The following B3GALNT2 variants were observed in gnomAD, a reference collection of about 807,000 sequenced individuals.
B3GALNT2 encodes UDP-GalNAc:beta-1,3-N-acetylgalactosaminyltransferase 2.
In B3GALNT2, 53 loss-of-function variants were observed where a neutral mutation model predicts 61.1. The observed-to-expected ratio is 0.87, with a 90% CI of 0.70 to 1.09. The LOEUF (loss-of-function observed/expected upper bound fraction) is 1.09. Among genes scored for constraint, B3GALNT2 ranks in the 50% least tolerant of loss-of-function variants. B3GALNT2 has a pLI of 0.00. For synonymous variants in B3GALNT2, 223 were observed against 237.4 expected, an observed-to-expected ratio of 0.94 and a Z score of 0.56; for missense variants, 544 against 623.0, an observed-to-expected ratio of 0.87 and a Z score of 1.35.
chr1:235,499,165 T>C (rs915211237), intron 1 of B3GALNT2, among the ~76,000 whole-genome samples: 13 of 152,224 alleles, frequency 8.5e-5, no homozygotes, highest in African/African-American at 2.4e-4. Context: ...ATGTTAATCA[T>C]ATCATTAAAC....
At chr1:235,474,488 G>T (rs1684144607) in intron 5 of B3GALNT2, among the ~76,000 whole-genome samples, 1 of 152,058 alleles carries the variant, frequency 6.6e-6, no homozygotes, top group Admixed American at 6.6e-5. Context: ...GTGGATTGGA[G>T]AAATGACTAT....
At chr1:235,478,881 T>C (rs143366143) in intron 5 of B3GALNT2, 50 of 152,388 alleles carry the variant, frequency 3.3e-4, no homozygotes, top group Non-Finnish European at 6.3e-4. Flanking sequence ...TGTTTTCCTT[T>C]AGCATATCTG....
chr1:235,454,286 G>C lies in B3GALNT2; in HGVS notation c.1181C>G (p.Thr394Ser). The change falls in exon 10 of 12, where the codon ACC (threonine) becomes AGC (serine). Residue 394 changes from threonine (T) to serine (S), a missense_variant. Coordinates refer to ENST00000366600, the MANE Select transcript of B3GALNT2 (RefSeq NM_152490.5). ...GTACTCCAACTCCTGCCACTTTCCG[G>C]TTCGGTCAACTGCCCAATTCAGTCT... ...NFRLNWAVDR[T>S]GKWQELEYPS... 1 of 1,613,316 alleles carries C rather than the reference G, an allele frequency of 6.2e-7. No homozygotes were observed. The highest frequency in any genetic ancestry group is 8.5e-7 in the Non-Finnish European group (1 of 1,179,418).
At position 235,448,183 on chromosome 1, in the gene B3GALNT2, G is replaced by C. The variant is rs899105958; in HGVS notation, c.*2023C>G. On this transcript the variant is annotated 3_prime_UTR_variant, in exon 12 of 12. Coordinates refer to ENST00000366600, the MANE Select transcript of B3GALNT2 (RefSeq NM_152490.5). ...CCATTGCACTCCAGCCTGGGCGACAGAGCAAGACTTACTTAAGTAAGTAAG... is the reference window on the plus strand; with the variant it reads ...CCATTGCACTCCAGCCTGGGCGACACAGCAAGACTTACTTAAGTAAGTAAG... 1.8e-4 allele frequency among the ~76,000 whole-genome samples: 24 copies of C among 134,230 alleles called. No individual in the cohort carries two copies. Among genetic ancestry groups the C allele is most frequent in the African/African-American group, 6.5e-4 (22 of 33,916 alleles). 88.1% of individuals were successfully genotyped at this position (134,230 alleles called of 152,430 possible). A position where few individuals can be genotyped will look rare whatever the true frequency, so the allele number is the denominator to read the frequency against.
chr1:235,497,296 G>T (rs1028085900), intron 1 of B3GALNT2, among the ~76,000 whole-genome samples: 3 of 152,174 alleles, frequency 2.0e-5, no homozygotes, highest in Non-Finnish European at 4.4e-5. Flanking sequence ...CAAAGGTAGT[G>T]ACCAGCCAGT....
At position 235,448,460 on chromosome 1, in the gene B3GALNT2, ACAAAGT is replaced by A. The variant is rs745668309; in HGVS notation, c.*1740_*1745del. On this transcript the variant is annotated 3_prime_UTR_variant, in exon 12 of 12. Coordinates refer to ENST00000366600, the MANE Select transcript of B3GALNT2 (RefSeq NM_152490.5). ...CCCAAAGTAAGTTGCCCAGCAAAAT[ACAAAGT>A]CAAAGTCAAGCTTAGTCCTCGTATT... The A allele has an allele frequency of 1.4e-5, 22 of 1,610,338 alleles. No homozygotes were observed. Among genetic ancestry groups the A allele is most frequent in the Middle Eastern group, 1.7e-4 (1 of 6,060 alleles).
At chr1:235,485,415 G>T (rs1345526273) in intron 3 of B3GALNT2, among the ~76,000 whole-genome samples, 2 of 152,158 alleles carry the variant, frequency 1.3e-5, no homozygotes, top group African/African-American at 4.8e-5. Context: ...CTTTGCTCAA[G>T]GGATCCTCCT....
intron 5 of B3GALNT2, 95 bp downstream of exon 5, chr1:235,479,959 G>A (rs1684478206): frequency 6.5e-7 from 1 of 1,531,184 alleles, no homozygotes; most frequent in Non-Finnish European, 8.8e-7. Context: ...TGCTGCCCTG[G>A]TACAAGAAAA....
chr1:235,484,535 T>C lies in B3GALNT2; in HGVS notation c.362-20A>G. ...TCAAAACTAAGTAATGAGAACAGGT[T>C]TATATAACTGAACAAATGTAATCCT... On this transcript the variant is annotated intron_variant, in intron 3 of 11. Transcript: ENST00000366600. The C allele has an allele frequency of 6.2e-7, 1 of 1,606,966 alleles. No homozygotes were observed. The highest frequency in any genetic ancestry group is 1.7e-5 in the Admixed American group (1 of 59,054).
downstream of B3GALNT2, among the ~76,000 whole-genome samples, chr1:235,446,719 G>T: frequency 6.7e-6 from 1 of 148,890 alleles, no homozygotes. Context: ...TTTGAGACAG[G>T]TTCTCACTTT....
At chr1:235,496,639 G>A (rs1324315846) in intron 1 of B3GALNT2, among the ~76,000 whole-genome samples, 2 of 150,764 alleles carry the variant, frequency 1.3e-5, no homozygotes, top group Non-Finnish European at 2.9e-5. Flanking sequence ...TCTGCCGCCC[G>A]GGTTCAAGTG....
At chr1:235,497,732 C>A (rs1201976380) in intron 1 of B3GALNT2, among the ~76,000 whole-genome samples, 1 of 152,192 alleles carries the variant, frequency 6.6e-6, no homozygotes, top group Non-Finnish European at 1.5e-5. Flanking sequence ...CTAGCTGCTG[C>A]TCAGTTCGGT....
At chr1:235,478,346 C>T (rs914576675) in intron 5 of B3GALNT2, among the ~76,000 whole-genome samples, 11 of 152,030 alleles carry the variant, frequency 7.2e-5, no homozygotes, top group African/African-American at 1.4e-4. Flanking sequence ...CCACTGAGCC[C>T]GACCTGAACC....
At chr1:235,468,735 GC>G (rs1487567026) in intron 6 of B3GALNT2, among the ~76,000 whole-genome samples, 2 of 152,010 alleles carry the variant, frequency 1.3e-5, no homozygotes, top group African/African-American at 4.8e-5. Flanking sequence ...ACAGGCGTGA[GC>G]CACCGCGCCC....
intron 1 of B3GALNT2, among the ~76,000 whole-genome samples, chr1:235,503,169 T>C (rs151261241): frequency 4.0e-4 from 61 of 152,346 alleles, no homozygotes; most frequent in African/African-American, 1.3e-3. Context: ...TTAAGAACTT[T>C]TGGATTAGAA....
At position 235,504,300 on chromosome 1, in the gene B3GALNT2, G is replaced by A. The variant is rs1685738476; in HGVS notation, c.-48C>T. 1.2e-5 allele frequency: 18 copies of A among 1,472,910 alleles called. No homozygotes were observed. Among genetic ancestry groups the A allele is most frequent in the East Asian group, 5.9e-5 (2 of 33,646 alleles). The allele number at this position is 1,472,910 out of a possible 1,614,324, so 91.2% of individuals were successfully genotyped here. On this transcript the variant is annotated 5_prime_UTR_variant, in exon 1 of 12. Transcript: ENST00000366600. ...GGCTCTCCCGCGTCCCGGCGGAGAGGGAGGGGACCTGCAAGTGCGGAGACT... is the reference window on the plus strand; with the variant it reads ...GGCTCTCCCGCGTCCCGGCGGAGAGAGAGGGGACCTGCAAGTGCGGAGACT...
chr1:235,495,347 C>G (rs551206658), intron 1 of B3GALNT2, among the ~76,000 whole-genome samples: 14 of 152,084 alleles, frequency 9.2e-5, no homozygotes, highest in African/African-American at 3.4e-4. Context: ...TCAATGGCAA[C>G]TAAAAAAAAT....
intron 4 of B3GALNT2, 88 bp from the exon 5 acceptor site, chr1:235,480,237 C>A: frequency 6.6e-7 from 1 of 1,519,670 alleles, no homozygotes; most frequent in South Asian, 1.3e-5. Flanking sequence ...ACTTCTTGGT[C>A]AGCTAAATCC....
At position 235,448,007 on chromosome 1, in the gene B3GALNT2, A is replaced by AGT. The variant is rs1558399975; in HGVS notation, c.*2198_*2199insAC. On this transcript the variant is annotated 3_prime_UTR_variant, in exon 12 of 12. Coordinates refer to ENST00000366600, the MANE Select transcript of B3GALNT2 (RefSeq NM_152490.5). Reference sequence around the variant, plus strand: ...GGGCGGATCACGAGGTCAGGAGTTCAAGACCAGCCTGGCCAACATGGTGAA... The same window carrying AGT: ...GGGCGGATCACGAGGTCAGGAGTTCAGTAGACCAGCCTGGCCAACATGGTGAA... 5.3e-5 allele frequency among the ~76,000 whole-genome samples: 8 copies of AGT among 151,986 alleles called. No individual in the cohort carries two copies. The highest frequency in any genetic ancestry group is 1.2e-4 in the Non-Finnish European group (8 of 67,990).
Sources: gnomAD v4.1 joint callset for allele counts (sites outside exome capture counted in the v4.1 genomes callset) on GRCh38, gnomAD v4.1.1 for gene constraint, MANE v1.5 for transcripts, NCBI Gene and HGNC (gene_info 2026-07-23, HGNC 2026-07-21) for gene names.